The following AGAP1 variants were observed in gnomAD, a reference collection of about 807,000 sequenced individuals.
The protein encoded by AGAP1 is ArfGAP with GTPase domain, ankyrin repeat and PH domain 1, also known as arf-GAP with GTPase, ANK repeat and PH domain-containing protein 1.
A neutral mutation model predicts 105.3 loss-of-function variants in AGAP1; 29 were observed. The observed-to-expected ratio is 0.28, with a 90% CI of 0.21 to 0.38. The LOEUF (loss-of-function observed/expected upper bound fraction) is 0.38. AGAP1 is among the 10% of genes least tolerant of loss of function. The pLI, the probability that AGAP1 is intolerant of heterozygous loss-of-function variation, is 1.00. For missense variants in AGAP1, 998 were observed against 1,165.1 expected (o/e 0.86, Z 2.09); for synonymous variants, 509 against 485.9 (o/e 1.05, Z -0.63).
At position 235,968,481 on chromosome 2, in the gene AGAP1, C is replaced by T. The variant is rs771577133; in HGVS notation, c.1503C>T (p.Ser501=). The part of the protein sequence containing the change: ...AISSDTGLGD[S]VCSSPSISST... ...TGGCAGACACAGGGCTGGGTGACTC[C>T]GTATGCTCCAGCCCCAGTATCTCCA... The change falls in exon 13 of 18, where the codon TCC becomes TCT. Residue 501 remains serine, a synonymous_variant. Transcript: ENST00000304032. 44 of 1,606,798 alleles carry T rather than the reference C, an allele frequency of 2.7e-5. No individual in the cohort carries two copies. The highest frequency in any genetic ancestry group is 6.6e-5 in the South Asian group (6 of 90,372).
At chr2:236,052,954 G>A (rs1041834917) in intron 16 of AGAP1, among the ~76,000 whole-genome samples, 3 of 152,220 alleles carry the variant, frequency 2.0e-5, no homozygotes, top group African/African-American at 7.2e-5. Context: ...TGGTGAAGTA[G>A]TAACAGTGGA....
At chr2:235,591,451 G>A (rs371247909) in intron 1 of AGAP1, among the ~76,000 whole-genome samples, 1 of 152,194 alleles carries the variant, frequency 6.6e-6, no homozygotes, top group Non-Finnish European at 1.5e-5. Flanking sequence ...AAAGGCGCAC[G>A]GATTTGGGTT....
intron 6 of AGAP1, among the ~76,000 whole-genome samples, chr2:235,785,093 C>G (rs1380201678): frequency 6.6e-6 from 1 of 152,216 alleles, no homozygotes; most frequent in Non-Finnish European, 1.5e-5. Flanking sequence ...GAATAATTCT[C>G]TCAGGTTCCA....
intron 16 of AGAP1, among the ~76,000 whole-genome samples, chr2:236,074,963 G>A (rs1168052859): frequency 6.6e-6 from 1 of 152,218 alleles, no homozygotes; most frequent in African/African-American, 2.4e-5. Context: ...TGAGGTGGAA[G>A]GGTGGTTTGA....
rs1039855140 is a variant in AGAP1 at position 235,889,740 on chromosome 2, G to C, written c.1155+6291G>C. Among the ~76,000 whole-genome samples, 4 of 151,982 alleles carry C rather than the reference G, an allele frequency of 2.6e-5. No individual in the cohort carries two copies. The highest frequency in any genetic ancestry group is 9.7e-5 in the African/African-American group (4 of 41,360). On this transcript the variant is annotated intron_variant, in intron 10 of 17. Coordinates refer to ENST00000304032, the MANE Select transcript of AGAP1 (RefSeq NM_001037131.3). This position sits in a 1 kb window ranked among gnomAD's most constrained non-coding sequence, Gnocchi z 4.6. The stretch of plus-strand genomic sequence containing the variant: ...GAGGGAAACCTTTTTCTCCAGGTCT[G>C]TTTCATGTTGTTGAAAACCTCAAAC...
rs1442192611 is a variant in AGAP1, at chr2:235,690,530, T to C, written c.164-18649T>C. The stretch of plus-strand genomic sequence containing the variant: ...ATTCCTAGCTTCCGGTAGAGGAGGC[T>C]GGCCAACTCAGACACCTAAGCAGCC... On this transcript the variant is annotated intron_variant, in intron 1 of 17. Coordinates refer to ENST00000304032, the MANE Select transcript of AGAP1 (RefSeq NM_001037131.3). This position sits in a 1 kb window ranked among gnomAD's most constrained non-coding sequence, Gnocchi z 4.1. 1.3e-5 allele frequency among the ~76,000 whole-genome samples: 2 copies of C among 152,232 alleles called. No homozygotes were observed. Among genetic ancestry groups the C allele is most frequent in the South Asian group, 2.1e-4 (1 of 4,828 alleles).
intron 1 of AGAP1, among the ~76,000 whole-genome samples, chr2:235,581,425 TGAA>T (rs1409774067): frequency 6.7e-6 from 1 of 150,286 alleles, no homozygotes; most frequent in Non-Finnish European, 1.5e-5. Flanking sequence ...AATTCAATCA[TGAA>T]GAAGATTGTT....
chr2:235,599,615 T>C lies in AGAP1; in HGVS notation c.163+104766T>C, dbSNP rs901982539. Among the ~76,000 whole-genome samples, 2 of 152,046 alleles carry C rather than the reference T, an allele frequency of 1.3e-5. No individual in the cohort carries two copies. The highest frequency in any genetic ancestry group is 4.8e-5 in the African/African-American group (2 of 41,338). On this transcript the variant is annotated intron_variant, in intron 1 of 17. Coordinates refer to ENST00000304032, the MANE Select transcript of AGAP1 (RefSeq NM_001037131.3). This position sits in a 1 kb window ranked among gnomAD's most constrained non-coding sequence, Gnocchi z 5.3. The stretch of plus-strand genomic sequence containing the variant: ...TGCGGATCCCCTGCCATGGCCCATG[T>C]GGCTCCGGAAGTTCCTGGGAGTGGC...
rs767775051 is a variant in AGAP1 at position 236,001,282 on chromosome 2, G to A, written c.1645+32659G>A. Among the ~76,000 whole-genome samples the A allele has an allele frequency of 3.3e-5, 5 of 152,202 alleles. No individual in the cohort carries two copies. The highest frequency in any genetic ancestry group is 2.0e-4 in the Admixed American group (3 of 15,286). ...GCCCTGGCATGGCCTTCAGGCCTCC[G>A]AGGAACCCAGAGGAGGAAACGCATT... On this transcript the variant is annotated intron_variant, in intron 13 of 17. Coordinates refer to ENST00000304032, the MANE Select transcript of AGAP1 (RefSeq NM_001037131.3). The surrounding 1 kb of genome is among the most constrained non-coding windows in gnomAD (Gnocchi z 4.7).
At chr2:235,898,677 T>C (rs2050923469) in intron 10 of AGAP1, among the ~76,000 whole-genome samples, 1 of 152,208 alleles carries the variant, frequency 6.6e-6, no homozygotes, top group African/African-American at 2.4e-5. Context: ...TGGAGGGCTT[T>C]GGCGCTCTGT....
chr2:235,650,036 G>T (rs868231321), intron 1 of AGAP1, among the ~76,000 whole-genome samples: 1 of 152,138 alleles, frequency 6.6e-6, no homozygotes, highest in Admixed American at 6.5e-5. Context: ...TGATTAGATG[G>T]TGATCTTTGG....
At chr2:235,758,457 C>A (rs992450982) in intron 6 of AGAP1, among the ~76,000 whole-genome samples, 3 of 152,088 alleles carry the variant, frequency 2.0e-5, no homozygotes, top group Admixed American at 6.6e-5. Flanking sequence ...CATCATTTCC[C>A]GTTTCTACCT....
At chr2:235,583,553 ATTT>A (rs763297542) in intron 1 of AGAP1, among the ~76,000 whole-genome samples, 10 of 128,422 alleles carry the variant, frequency 7.8e-5, no homozygotes, top group Admixed American at 3.2e-4. Flanking sequence ...TACCTGGCTA[ATTT>A]TTTTTTTTTT....
chr2:235,655,306 C>T lies in AGAP1; in HGVS notation c.164-53873C>T, dbSNP rs1947737200. On this transcript the variant is annotated intron_variant, in intron 1 of 17. Transcript: ENST00000304032. The surrounding 1 kb of genome is among the most constrained non-coding windows in gnomAD (Gnocchi z 4.3). ...ATTTCGTAGCCTGGTATATGCATTCCTTGTGGTGTGTATTAATAAATTGAG... is the reference window on the plus strand; with the variant it reads ...ATTTCGTAGCCTGGTATATGCATTCTTTGTGGTGTGTATTAATAAATTGAG... 6.6e-6 allele frequency among the ~76,000 whole-genome samples: 1 copy of T among 152,074 alleles called. No individual in the cohort carries two copies. The highest frequency in any genetic ancestry group is 6.6e-5 in the Admixed American group (1 of 15,264).
Position 236,040,705 on chromosome 2 carries a change from TC to T in AGAP1, c.1801-43del, listed in dbSNP as rs775329006. ...TGATGTTATCAGTGATGTGCGTTTC[TC>T]CCGGGGTGCTTACGCCTTGTATTTG... On this transcript the variant is annotated intron_variant, in intron 14 of 17. Coordinates refer to ENST00000304032, the MANE Select transcript of AGAP1 (RefSeq NM_001037131.3). The surrounding 1 kb of genome is among the most constrained non-coding windows in gnomAD (Gnocchi z 5.6). 6.3e-7 allele frequency: 1 copy of T among 1,593,420 alleles called. No individual in the cohort carries two copies. The highest frequency in any genetic ancestry group is 8.6e-7 in the Non-Finnish European group (1 of 1,163,612).
Position 236,049,247 on chromosome 2 carries a change from CA to C in AGAP1, c.2081del (p.Gln694ArgfsTer8). ...CAACAGCGTCTGGGAAGAGAGCAGCCAGGGGCGGACGAAACCATCGGTAGAC... is the reference window on the plus strand; with the variant it reads ...CAACAGCGTCTGGGAAGAGAGCAGCCGGGGCGGACGAAACCATCGGTAGAC... ...LANSVWEESS[Q>X]GRTKPSVDST... On this transcript the variant is annotated frameshift_variant, in exon 16 of 18. Transcript: ENST00000304032. LOFTEE classifies it high-confidence loss of function. 1.2e-6 allele frequency: 2 copies of C among 1,614,168 alleles called. No individual in the cohort carries two copies. Among genetic ancestry groups the C allele is most frequent in the Non-Finnish European group, 1.7e-6 (2 of 1,180,022 alleles).
intron 1 of AGAP1, among the ~76,000 whole-genome samples, chr2:235,699,773 G>C (rs971976047): frequency 1.3e-5 from 2 of 152,192 alleles, no homozygotes; most frequent in Non-Finnish European, 2.9e-5. Context: ...ATTCGCAGTG[G>C]GGGTGTCTGC....
At chr2:235,570,578 G>A (rs913874984) in intron 1 of AGAP1, among the ~76,000 whole-genome samples, 4 of 152,150 alleles carry the variant, frequency 2.6e-5, no homozygotes, top group South Asian at 2.1e-4. Flanking sequence ...TGCCCTCATC[G>A]AGCATTCCTT....
rs2125331489 is a variant in AGAP1, at chr2:235,965,885, A to AG, written c.1484-2575dup. ...GGAAGTGACCTGGCCAAGACACCTG[A>AG]GGATGAAAGATGGGACCAGGACAAG... On this transcript the variant is annotated intron_variant, in intron 12 of 17. Coordinates refer to ENST00000304032, the MANE Select transcript of AGAP1 (RefSeq NM_001037131.3). This position sits in a 1 kb window ranked among gnomAD's most constrained non-coding sequence, Gnocchi z 5.8. 6.6e-6 allele frequency among the ~76,000 whole-genome samples: 1 copy of AG among 152,330 alleles called. No homozygotes were observed. The highest frequency in any genetic ancestry group is 2.4e-5 in the African/African-American group (1 of 41,568).
Sources: allele counts gnomAD v4.1 joint callset (sites outside exome capture counted in the v4.1 genomes callset), GRCh38; gene constraint gnomAD v4.1.1; non-coding constraint Gnocchi (gnomAD v3.1); transcripts MANE v1.5; gene names NCBI Gene and HGNC (gene_info 2026-07-23, HGNC 2026-07-21).